DYM: variants seen among roughly 807,000 people sequenced by gnomAD.
DYM encodes the protein dyggve-Melchior-Clausen syndrome protein.
In DYM, 78 loss-of-function variants were observed where a neutral mutation model predicts 93.1. That is an observed-to-expected ratio of 0.84 (90% confidence interval 0.70 to 1.01). DYM has a LOEUF of 1.01. Among genes scored for constraint, DYM ranks in the 50% least tolerant of loss-of-function variants. The pLI, the probability that DYM is intolerant of heterozygous loss-of-function variation, is 0.00. For missense variants in DYM, 789 were observed against 845.0 expected (o/e 0.93, Z 0.82); for synonymous variants, 321 against 319.7 (o/e 1.00, Z -0.04).
At chr18:49,438,548 G>T (rs1206333630) in intron 1 of DYM, among the ~76,000 whole-genome samples, 3 of 152,070 alleles carry the variant, frequency 2.0e-5, no homozygotes, top group African/African-American at 7.2e-5. Flanking sequence ...AGTGTGAACA[G>T]GAACTCCGGC....
chr18:49,343,214 T>C (rs1307812544), intron 6 of DYM, among the ~76,000 whole-genome samples: 2 of 151,782 alleles, frequency 1.3e-5, no homozygotes, highest in Non-Finnish European at 2.9e-5. Context: ...AAACTCGGAG[T>C]CCTTAACTCA....
At chr18:49,457,254 C>G (rs1184121454) in intron 1 of DYM, among the ~76,000 whole-genome samples, 1 of 152,190 alleles carries the variant, frequency 6.6e-6, no homozygotes, top group Non-Finnish European at 1.5e-5. Flanking sequence ...CCCACTTGGA[C>G]AGAGAGTCCC....
At chr18:49,399,920 T>C (rs1394766091) in intron 2 of DYM, among the ~76,000 whole-genome samples, 1 of 143,984 alleles carries the variant, frequency 6.9e-6, no homozygotes, top group Non-Finnish European at 1.5e-5. Flanking sequence ...TAAAAGACAT[T>C]TATTTTTATT....
At chr18:49,291,402 C>G (rs2060103633) in intron 8 of DYM, among the ~76,000 whole-genome samples, 1 of 152,124 alleles carries the variant, frequency 6.6e-6, no homozygotes, top group South Asian at 2.1e-4. Context: ...ATTTCCTACA[C>G]AATTGTGAGC....
intron 16 of DYM, among the ~76,000 whole-genome samples, chr18:49,101,329 C>G (rs1375611403): frequency 1.3e-5 from 2 of 152,156 alleles, no homozygotes; most frequent in Non-Finnish European, 2.9e-5. Flanking sequence ...CCTCCTCTAC[C>G]TACAATATTT....
intron 15 of DYM, among the ~76,000 whole-genome samples, chr18:49,151,811 T>C (rs1384627017): frequency 6.6e-6 from 1 of 152,108 alleles, no homozygotes; most frequent in Non-Finnish European, 1.5e-5. Context: ...TTGGGAACTA[T>C]GAACAGGCAG....
chr18:49,144,971 G>A (rs1000742268), intron 15 of DYM, among the ~76,000 whole-genome samples: 7 of 150,546 alleles, frequency 4.6e-5, no homozygotes, highest in African/African-American at 1.5e-4. Flanking sequence ...GTGGTGATGC[G>A]TGCCTATAGT....
chr18:49,156,457 C>T (rs895851094), intron 15 of DYM, among the ~76,000 whole-genome samples: 1 of 151,878 alleles, frequency 6.6e-6, no homozygotes, highest in East Asian at 1.9e-4. Flanking sequence ...AATGGCCAGG[C>T]GTGGTGGCTC....
intron 13 of DYM, among the ~76,000 whole-genome samples, chr18:49,234,123 C>T (rs2093789887): frequency 6.7e-6 from 1 of 148,332 alleles, no homozygotes; most frequent in African/African-American, 2.5e-5. Context: ...AGCAAGACTC[C>T]ACCTCAAAAC....
chr18:49,216,867 G>A (rs536831783), intron 13 of DYM, among the ~76,000 whole-genome samples: 101 of 152,332 alleles, frequency 6.6e-4, no homozygotes, highest in African/African-American at 2.4e-3. Flanking sequence ...CCAAAGGAAC[G>A]CAGTTCCTCA....
rs961044570 is a variant in DYM at position 49,217,512 on chromosome 18, G to A, written c.1461-7797C>T. Among the ~76,000 whole-genome samples the A allele has an allele frequency of 7.4e-4, 113 of 152,268 alleles. 1 individual carries two copies. The highest frequency in any genetic ancestry group is 2.0e-3 in the Admixed American group (30 of 15,294). On this transcript the variant is annotated intron_variant, in intron 13 of 17. Transcript: ENST00000675505. ...TTAAGGGCAGCCAGAGAGAAAGGCC[G>A]GGTTACCCACAAAGGGAAGCCCATC...
intron 1 of DYM, among the ~76,000 whole-genome samples, chr18:49,440,942 A>ATTATATATATAAT (rs2081353444): frequency 2.4e-3 from 2 of 820 alleles, no homozygotes; most frequent in Non-Finnish European, 4.7e-3. Flanking sequence ...TATAATATAT[A>ATTATATATATAAT]ATATATTATA....
chr18:49,333,654 C>A lies in DYM; in HGVS notation c.620+74G>T, dbSNP rs1201221175. 3 of 1,489,126 alleles carry A rather than the reference C, an allele frequency of 2.0e-6. No homozygotes were observed. In the East Asian group the frequency reaches 6.9e-5, roughly 34 times the overall value. The allele number at this position is 1,489,126 out of a possible 1,614,324, so 92.2% of individuals were successfully genotyped here. ...CTGGTTGGAGATATGGGACGATACT[C>A]AGGTAAAAGGACAAGACTAGAAATA... On this transcript the variant is annotated intron_variant, in intron 7 of 17. Transcript: ENST00000675505.
intron 2 of DYM, among the ~76,000 whole-genome samples, chr18:49,419,569 T>G (rs568022644): frequency 2.6e-4 from 39 of 152,214 alleles, no homozygotes; most frequent in Non-Finnish European, 2.4e-4. Flanking sequence ...TACATACACA[T>G]ACATTTATTC....
chr18:49,158,453 G>A (rs1283128852), intron 15 of DYM, among the ~76,000 whole-genome samples: 2 of 152,154 alleles, frequency 1.3e-5, no homozygotes, highest in African/African-American at 4.8e-5. Context: ...ACATGTGAAA[G>A]GAGCTGTTTT....
intron 17 of DYM, among the ~76,000 whole-genome samples, chr18:49,091,647 C>A (rs1166413366): frequency 6.6e-6 from 1 of 152,068 alleles, no homozygotes; most frequent in African/African-American, 2.4e-5. Flanking sequence ...TGGGGTAGGG[C>A]CTGAGAACCT....
intron 17 of DYM, among the ~76,000 whole-genome samples, chr18:49,096,200 A>G (rs925764799): frequency 6.6e-6 from 1 of 152,194 alleles, no homozygotes; most frequent in Non-Finnish European, 1.5e-5. Context: ...TTTTTATGCT[A>G]TTACCACATG....
At chr18:49,302,513 C>T (rs1461544818) in intron 8 of DYM, among the ~76,000 whole-genome samples, 1 of 152,032 alleles carries the variant, frequency 6.6e-6, no homozygotes, top group Non-Finnish European at 1.5e-5. Flanking sequence ...ATCAATTAAC[C>T]TAAATCAGGG....
intron 2 of DYM, among the ~76,000 whole-genome samples, chr18:49,424,039 T>G (rs1267660260): frequency 6.7e-6 from 1 of 150,214 alleles, no homozygotes; most frequent in Non-Finnish European, 1.5e-5. Flanking sequence ...CCTCCCTAAC[T>G]CATTTTATGA....
Sources: gnomAD v4.1 joint callset for allele counts (sites outside exome capture counted in the v4.1 genomes callset) on GRCh38, gnomAD v4.1.1 for gene constraint, MANE v1.5 for transcripts, NCBI Gene and HGNC (gene_info 2026-07-23, HGNC 2026-07-21) for gene names.